SLC11A2: variants seen among roughly 807,000 people sequenced by gnomAD.
SLC11A2 encodes natural resistance-associated macrophage protein 2.
In SLC11A2, 38 loss-of-function variants were observed where a neutral mutation model predicts 68.0. That is an observed-to-expected ratio of 0.56 (90% CI 0.43 to 0.73). SLC11A2 has a LOEUF of 0.73. Among genes scored for constraint, SLC11A2 ranks in the 30% least tolerant of loss-of-function variants. SLC11A2 has a pLI of 0.00. For missense variants in SLC11A2, 517 were observed against 690.5 expected (o/e 0.75, Z 2.82); for synonymous variants, 242 against 250.6 (o/e 0.97, Z 0.32).
At chr12:50,968,898 C>CT in the SLC11A2 span, among the ~76,000 whole-genome samples, 1 of 152,156 alleles carries the variant, frequency 6.6e-6, no homozygotes, top group Non-Finnish European at 1.5e-5. Context: ...AGGCTGGTCT[C>CT]TAACTCCTGG....
At chr12:50,968,131 T>G in the SLC11A2 span, among the ~76,000 whole-genome samples, 39 of 146,984 alleles carry the variant, frequency 2.7e-4, no homozygotes, top group Admixed American at 2.6e-3. Context: ...AGGAGGAGAA[T>G]GAGGAGGAGG....
downstream of SLC11A2, among the ~76,000 whole-genome samples, chr12:50,977,582 A>G (rs970615184): frequency 1.3e-5 from 2 of 152,202 alleles, no homozygotes; most frequent in African/African-American, 4.8e-5. Context: ...GGACATAGGC[A>G]TGGGCAAGGA....
the SLC11A2 span, among the ~76,000 whole-genome samples, chr12:50,955,595 G>A: frequency 4.6e-5 from 7 of 152,102 alleles, no homozygotes; most frequent in Admixed American, 1.3e-4. Context: ...AGATGTTCCC[G>A]TTAAGTGTTA....
chr12:50,952,463 G>T, the SLC11A2 span, among the ~76,000 whole-genome samples: 12 of 152,236 alleles, frequency 7.9e-5, no homozygotes, highest in African/African-American at 2.9e-4. Context: ...GCAGTCGGAG[G>T]GAGGCGGTGA....
chr12:51,005,999 A>C (rs1942689100), intron 3 of SLC11A2, among the ~76,000 whole-genome samples: 1 of 152,212 alleles, frequency 6.6e-6, no homozygotes, highest in Non-Finnish European at 1.5e-5. Flanking sequence ...ACCAGCATTA[A>C]AACAGAGATC....
downstream of SLC11A2, among the ~76,000 whole-genome samples, chr12:50,982,535 G>A (rs888925241): frequency 2.6e-5 from 4 of 152,160 alleles, no homozygotes; most frequent in Non-Finnish European, 5.9e-5. Context: ...GCTGAGGCAG[G>A]AGAATCACTT....
At chr12:51,015,431 C>T (rs1400027554) in intron 1 of SLC11A2, among the ~76,000 whole-genome samples, 3 of 151,086 alleles carry the variant, frequency 2.0e-5, no homozygotes, top group East Asian at 2.0e-4. Flanking sequence ...GCTGAGATTG[C>T]GCCACTGCAC....
At chr12:50,968,098 G>T in the SLC11A2 span, among the ~76,000 whole-genome samples, 4 of 147,976 alleles carry the variant, frequency 2.7e-5, no homozygotes, top group East Asian at 2.0e-4. Flanking sequence ...ATAATAAGAA[G>T]AAGAAGGAGG....
chr12:50,996,841 C>T lies in SLC11A2; in HGVS notation c.807G>A (p.Met269Ile), dbSNP rs780142114. The T allele has an allele frequency of 1.2e-6, 2 of 1,614,082 alleles. No homozygotes were observed. The highest frequency in any genetic ancestry group is 1.7e-5 in the Admixed American group (1 of 60,002). ...IVGAVIMPHNMYLHSALVKSR... is the reference protein window; with the variant it reads ...IVGAVIMPHNIYLHSALVKSR... Reference sequence around the variant, plus strand: ...CCTTGACTAAGGCAGAATGCAGGTACATGTTGTGTGGCATGATGACAGCTC... The same window carrying T: ...CCTTGACTAAGGCAGAATGCAGGTATATGTTGTGTGGCATGATGACAGCTC... The change falls in exon 9 of 16, where the codon ATG becomes ATA. Residue 269 changes from methionine to isoleucine, a missense_variant. Met to Ile is a conservative substitution (Grantham distance 10, BLOSUM62 1). Coordinates refer to ENST00000262052, the MANE Select transcript of SLC11A2 (RefSeq NM_000617.3).
At chr12:50,959,031 CAAAA>C in the SLC11A2 span, among the ~76,000 whole-genome samples, 4 of 151,524 alleles carry the variant, frequency 2.6e-5, no homozygotes, top group Non-Finnish European at 5.9e-5. Flanking sequence ...GAAAAACAAA[CAAAA>C]AAAAGATGCA....
At chr12:50,995,914 C>A in intron 9 of SLC11A2, 127 bp from the exon 10 acceptor site, 1 of 780,702 alleles carries the variant, frequency 1.3e-6, no homozygotes, top group Non-Finnish European at 2.2e-6. Context: ...AGTGAGAGAT[C>A]CAACACTCAC....
chr12:50,991,918 T>C (rs1347905831), intron 13 of SLC11A2, among the ~76,000 whole-genome samples: 3 of 152,230 alleles, frequency 2.0e-5, no homozygotes, highest in African/African-American at 4.8e-5. Flanking sequence ...GTGTCCTATA[T>C]GTTCATTTAA....
chr12:50,999,707 G>A (rs1449281179), intron 6 of SLC11A2: 2 of 431,692 alleles, frequency 4.6e-6, no homozygotes, highest in Admixed American at 7.1e-5. Context: ...GGATTAGATA[G>A]ATAGTATCTA....
At chr12:50,997,679 CAAAAAAA>C (rs35477132) in intron 8 of SLC11A2, among the ~76,000 whole-genome samples, 2 of 44,978 alleles carry the variant, frequency 4.4e-5, no homozygotes, top group African/African-American at 2.4e-4. Context: ...GACTCTGTCT[CAAAAAAA>C]AAAAAAAAAA....
At position 50,992,369 on chromosome 12, in the gene SLC11A2, T is replaced by C. The variant is rs17222484; in HGVS notation, c.1198-30A>G. 1,539 of 1,612,148 alleles carry C rather than the reference T, an allele frequency of 9.5e-4. 14 individuals are homozygous for C. The African/African-American group carries it at 0.018, about 19-fold the overall frequency. On this transcript the variant is annotated intron_variant, in intron 12 of 15. Transcript: ENST00000262052. ...AAGAAAACATAGGAGCAGATGACTG[T>C]CTGCAACAGGAAACAAAAAAAAGTT... is the stretch of plus-strand genomic sequence containing the variant.
intron 1 of SLC11A2, among the ~76,000 whole-genome samples, chr12:51,016,260 G>A (rs1347930033): frequency 6.6e-6 from 1 of 151,980 alleles, no homozygotes; most frequent in African/African-American, 2.4e-5. Context: ...AATTAGCTAG[G>A]TGGAGGCCGG....
At chr12:50,999,678 A>C in intron 6 of SLC11A2, 1 of 482,606 alleles carries the variant, frequency 2.1e-6, no homozygotes, top group Non-Finnish European at 3.8e-6. Context: ...TCATGGAGTT[A>C]GACAGATAGA....
downstream of SLC11A2, among the ~76,000 whole-genome samples, chr12:50,982,364 G>A (rs954236114): frequency 3.3e-5 from 5 of 152,128 alleles, no homozygotes; most frequent in South Asian, 6.2e-4. Flanking sequence ...GGTGGCTCAC[G>A]CCTGTAAACC....
At chr12:50,976,065 AAGG>A (rs1455602613), downstream of SLC11A2, among the ~76,000 whole-genome samples, 1 of 152,218 alleles carries the variant, frequency 6.6e-6, no homozygotes, top group East Asian at 1.9e-4. Context: ...CCAGAGGTAC[AAGG>A]AGGAGCTGGT....
Sources: gnomAD v4.1 joint callset for allele counts (sites outside exome capture counted in the v4.1 genomes callset) on GRCh38, gnomAD v4.1.1 for gene constraint, MANE v1.5 for transcripts, NCBI Gene and HGNC (gene_info 2026-07-23, HGNC 2026-07-21) for gene names.